Variants in PELI3 observed in about 807,000 individuals in gnomAD.
PELI3 encodes E3 ubiquitin-protein ligase pellino homolog 3.
Under a neutral mutation model 35.5 loss-of-function variants are expected in PELI3, and 19 were observed. The observed-to-expected ratio is 0.54, with a 90% CI of 0.37 to 0.79. The LOEUF (loss-of-function observed/expected upper bound fraction) is 0.79. Among genes scored for constraint, PELI3 ranks in the 30% least tolerant of loss-of-function variants. PELI3 has a pLI of 0.00. For missense variants in PELI3, 490 were observed against 661.2 expected, an observed-to-expected ratio of 0.74 and a Z score of 2.84; for synonymous variants, 262 against 279.2, an observed-to-expected ratio of 0.94 and a Z score of 0.62.
rs1251640096 is a variant in PELI3 at position 66,476,701 on chromosome 11, C to G, written c.*534C>G. On this transcript the variant is annotated 3_prime_UTR_variant, in exon 8 of 8. Transcript: ENST00000320740. ...GGTGGGTGGCAGGCTGGGCCTAGCA[C>G]TTGCTGATAGCCACTATGGGCTCGA... is the stretch of plus-strand genomic sequence containing the variant. 1.2e-5 allele frequency: 2 copies of G among 164,560 alleles called. No homozygotes were observed. The highest frequency in any genetic ancestry group is 4.8e-5 in the African/African-American group (2 of 41,572). 10.2% of individuals were successfully genotyped at this position (164,560 alleles called of 1,614,324 possible). A position where few individuals can be genotyped will look rare whatever the true frequency, so the allele number is the denominator to read the frequency against.
chr11:66,473,844 G>C lies in PELI3; in HGVS notation c.759G>C (p.Pro253=), dbSNP rs200047600. 3.1e-6 allele frequency: 5 copies of C among 1,613,898 alleles called. No homozygotes were observed. Among genetic ancestry groups the C allele is most frequent in the Non-Finnish European group, 4.2e-6 (5 of 1,180,006 alleles). ...GCGGCTTCTCCGAGGACTCAGCCCCGGGTGTCTGGCGGGAGATCTCGGTCT... is the reference window on the plus strand; with the variant it reads ...GCGGCTTCTCCGAGGACTCAGCCCCCGGTGTCTGGCGGGAGATCTCGGTCT... ...PAGGFSEDSA[P]GVWREISVCG... The change falls in exon 7 of 8, where the codon CCG becomes CCC. Residue 253 remains proline (P), a synonymous_variant. Coordinates refer to ENST00000320740, the MANE Select transcript of PELI3 (RefSeq NM_145065.3). The surrounding 1 kb of genome is among the most constrained non-coding windows in gnomAD (Gnocchi z 5.8).
At chr11:66,474,201 C>A in intron 7 of PELI3, 1 of 628,918 alleles carries the variant, frequency 1.6e-6, no homozygotes. Flanking sequence ...TGTGCAGTCC[C>A]AGGTGGCTTC....
At chr11:66,469,478 C>T (rs946300904) in intron 3 of PELI3, among the ~76,000 whole-genome samples, 2 of 152,232 alleles carry the variant, frequency 1.3e-5, no homozygotes, top group Non-Finnish European at 2.9e-5. Context: ...TGAACTGTCC[C>T]ACCTCAAGAC....
chr11:66,473,721 C>T lies in PELI3; in HGVS notation c.652-16C>T. On this transcript the variant is annotated splice_polypyrimidine_tract_variant and intron_variant, in intron 6 of 7. Coordinates refer to ENST00000320740, the MANE Select transcript of PELI3 (RefSeq NM_145065.3). The surrounding 1 kb of genome is among the most constrained non-coding windows in gnomAD (Gnocchi z 5.8). ...GGCCCCTGGGGGATGTGATCTGATC[C>T]CTCATGTGGTCCCAGGAGCGAGCGG... 1.2e-6 allele frequency: 2 copies of T among 1,612,744 alleles called. No individual in the cohort carries two copies. Among genetic ancestry groups the T allele is most frequent in the South Asian group, 1.1e-5 (1 of 91,032 alleles).
intron 4 of PELI3, 126 bp downstream of exon 4, chr11:66,471,497 C>T: frequency 7.8e-7 from 1 of 1,283,498 alleles, no homozygotes; most frequent in East Asian, 2.5e-5. Flanking sequence ...TGTGTCATCA[C>T]TCACTGCTTA....
In PELI3 at chr11:66,475,712, G is replaced by T; in HGVS notation, c.955G>T (p.Glu319Ter). The T allele has an allele frequency of 6.2e-7, 1 of 1,612,238 alleles. No individual in the cohort carries two copies. Among genetic ancestry groups the T allele is most frequent in the Non-Finnish European group, 8.5e-7 (1 of 1,179,702 alleles). The change falls in exon 8 of 8, where the codon GAG (glutamate) becomes TAG (stop). Residue 319 changes from glutamate (E) to a stop codon, truncating the protein, a stop_gained. Coordinates refer to ENST00000320740, the MANE Select transcript of PELI3 (RefSeq NM_145065.3). LOFTEE classifies it high-confidence loss of function. Reference sequence around the variant, plus strand: ...GCGGGCTCCCACACTGAAGCAACTGGAGGCCCAGCGGCAGGAGGCAAATGC... The same window carrying T: ...GCGGGCTCCCACACTGAAGCAACTGTAGGCCCAGCGGCAGGAGGCAAATGC... Reference protein sequence around the residue: ...LLRAPTLKQLEAQRQEANAAR... With the variant: ...LLRAPTLKQL
At position 66,473,315 on chromosome 11, in the gene PELI3, C is replaced by T. The variant is rs758860911; in HGVS notation, c.531C>T (p.Gly177=). The change falls in exon 6 of 8, where the codon GGC becomes GGT. Residue 177 remains glycine, a synonymous_variant. Coordinates refer to ENST00000320740, the MANE Select transcript of PELI3 (RefSeq NM_145065.3). The surrounding 1 kb of genome is among the most constrained non-coding windows in gnomAD (Gnocchi z 5.8). The part of the protein sequence containing the change: ...DTSPGGGAAE[G]PSAQSTISRY... ...CCCCTGGAGGAGGGGCTGCCGAGGG[C>T]CCTTCTGCCCAGAGCACCATCTCCC... 6.2e-7 allele frequency: 1 copy of T among 1,613,508 alleles called. No homozygotes were observed. Among genetic ancestry groups the T allele is most frequent in the Non-Finnish European group, 8.5e-7 (1 of 1,179,982 alleles).
At position 66,473,661 on chromosome 11, in the gene PELI3, C is replaced by A; in HGVS notation, c.652-76C>A. The A allele has an allele frequency of 6.4e-7, 1 of 1,565,620 alleles. No individual in the cohort carries two copies. Among genetic ancestry groups the A allele is most frequent in the Non-Finnish European group, 8.7e-7 (1 of 1,154,690 alleles). On this transcript the variant is annotated intron_variant, in intron 6 of 7. Transcript: ENST00000320740. This position sits in a 1 kb window ranked among gnomAD's most constrained non-coding sequence, Gnocchi z 5.8. Reference sequence around the variant, plus strand: ...GGGCCGCCTCTGAACTTGAAGGTAGCGGGGGCAGTGCCTCTGGCACATGGC... The same window carrying A: ...GGGCCGCCTCTGAACTTGAAGGTAGAGGGGGCAGTGCCTCTGGCACATGGC...
intron 7 of PELI3, among the ~76,000 whole-genome samples, chr11:66,475,347 GA>G (rs1295301671): frequency 1.3e-5 from 2 of 152,214 alleles, no homozygotes; most frequent in Non-Finnish European, 2.9e-5. Context: ...TCTTATTTTA[GA>G]AAAACCCTGT....
At position 66,476,449 on chromosome 11, in the gene PELI3, C is replaced by T. The variant is rs1055493020; in HGVS notation, c.*282C>T. On this transcript the variant is annotated 3_prime_UTR_variant, in exon 8 of 8. Transcript: ENST00000320740. ...TTGCCCTTCCTGGGGCATCCCACAT[C>T]GTGCCGCCGACACTGTGTGCCCCTG... is the stretch of plus-strand genomic sequence containing the variant. 6.4e-5 allele frequency: 31 copies of T among 484,696 alleles called. No homozygotes were observed. The highest frequency in any genetic ancestry group is 9.9e-5 in the African/African-American group (5 of 50,754). 30.0% of individuals were successfully genotyped at this position (484,696 alleles called of 1,614,324 possible).
At position 66,468,289 on chromosome 11, in the gene PELI3, C is replaced by T; in HGVS notation, c.152+9C>T. 1 of 1,471,474 alleles carries T rather than the reference C, an allele frequency of 6.8e-7. No homozygotes were observed. The highest frequency in any genetic ancestry group is 1.4e-5 in the South Asian group (1 of 71,508). 91.2% of individuals were successfully genotyped at this position (1,471,474 alleles called of 1,614,324 possible). On this transcript the variant is annotated intron_variant, in intron 2 of 7. Transcript: ENST00000320740. ...GAACTCATCGTCCTGGGGTGAGCAT[C>T]CCTGGCCTAGAAGGGGTGAAGCACC...
chr11:66,468,943 TACTCTA>T (rs1248638511), intron 3 of PELI3, 39 bp downstream of exon 3: 1 of 719,780 alleles, frequency 1.4e-6, no homozygotes, highest in African/African-American at 1.7e-5. Context: ...AGGTCTTTCT[TACTCTA>T]GGTCTAGTGC....
chr11:66,472,491 A>G lies in PELI3; in HGVS notation c.456+21A>G, dbSNP rs753319482. On this transcript the variant is annotated intron_variant, in intron 5 of 7. Transcript: ENST00000320740. ...TCCAGGTATGCTCAGGCCTCTCCACACACCTCCTGGCCACCAGGCCTCTAG... is the reference window on the plus strand; with the variant it reads ...TCCAGGTATGCTCAGGCCTCTCCACGCACCTCCTGGCCACCAGGCCTCTAG... 1.4e-5 allele frequency: 23 copies of G among 1,597,220 alleles called. No individual in the cohort carries two copies. The East Asian group carries it at 5.1e-4, about 36-fold the overall frequency.
intron 3 of PELI3, 84 bp downstream of exon 3, chr11:66,468,988 C>A: frequency 1.6e-6 from 1 of 630,326 alleles, no homozygotes; most frequent in Admixed American, 2.5e-5. Flanking sequence ...CTGACCCTCA[C>A]ACTACAGATG....
In PELI3 at chr11:66,475,475, C is replaced by T. The variant is rs551267888; in HGVS notation, c.841-123C>T. ...CTGCCCACTTGGCCTCCTAGCCTGC[C>T]TTGCTCCTCTGCCCTGCCTGCCCTG... On this transcript the variant is annotated intron_variant, in intron 7 of 7. Coordinates refer to ENST00000320740, the MANE Select transcript of PELI3 (RefSeq NM_145065.3). 1.0e-5 allele frequency: 11 copies of T among 1,049,584 alleles called. No homozygotes were observed. In the East Asian group the frequency reaches 2.8e-4, roughly 27 times the overall value. The allele number at this position is 1,049,584 out of a possible 1,614,324, so 65.0% of individuals were successfully genotyped here.
At chr11:66,474,242 C>T in intron 7 of PELI3, 1 of 604,882 alleles carries the variant, frequency 1.7e-6, no homozygotes, top group Non-Finnish European at 2.9e-6. Flanking sequence ...AAAAATCACA[C>T]CTTCTTATGA....
intron 4 of PELI3, among the ~76,000 whole-genome samples, chr11:66,471,629 GC>G (rs1854720440): frequency 6.6e-6 from 1 of 152,052 alleles, no homozygotes. Context: ...AGATGGTGCT[GC>G]TTATTTCCAT....
In PELI3 at chr11:66,476,107, G is replaced by A; in HGVS notation, c.1350G>A (p.Gly450=). The change falls in exon 8 of 8, where the codon GGG becomes GGA. Residue 450 remains glycine, a synonymous_variant. Coordinates refer to ENST00000320740, the MANE Select transcript of PELI3 (RefSeq NM_145065.3). The stretch of plus-strand genomic sequence containing the variant: ...TCCATGCCGCCTGCCCCTTTTGCGG[G>A]GCCTGGCTTACCGGCGAGCATGGCT... The part of the protein sequence containing the change: ...HAFHAACPFC[G]AWLTGEHGCV... 1 of 1,599,900 alleles carries A rather than the reference G, an allele frequency of 6.3e-7. No individual in the cohort carries two copies. The highest frequency in any genetic ancestry group is 1.3e-5 in the African/African-American group (1 of 74,864).
chr11:66,470,101 C>T (rs982131751), intron 3 of PELI3, among the ~76,000 whole-genome samples: 7 of 152,090 alleles, frequency 4.6e-5, no homozygotes, highest in African/African-American at 1.2e-4. Context: ...CGCCCGGCCT[C>T]ATCTGGATTT....
Sources: allele counts gnomAD v4.1 joint callset (sites outside exome capture counted in the v4.1 genomes callset), GRCh38; gene constraint gnomAD v4.1.1; non-coding constraint Gnocchi (gnomAD v3.1); transcripts MANE v1.5; gene names NCBI Gene and HGNC (gene_info 2026-07-23, HGNC 2026-07-21).